The following DCDC2 variants were observed in gnomAD, a reference collection of about 807,000 sequenced individuals.
DCDC2 encodes doublecortin domain-containing protein 2.
A neutral mutation model predicts 50.2 loss-of-function variants in DCDC2; 40 were observed. The observed-to-expected ratio is 0.80, with a 90% CI of 0.62 to 1.04. DCDC2 has a LOEUF of 1.04. Ranked by LOEUF, DCDC2 falls within the 50% of genes least tolerant of loss-of-function variation. DCDC2 has a pLI of 0.00. For synonymous variants in DCDC2, 234 were observed against 210.6 expected, an observed-to-expected ratio of 1.11 and a Z score of -0.96; for missense variants, 570 against 581.9, an observed-to-expected ratio of 0.98 and a Z score of 0.21.
At chr6:24,345,541 C>T (rs971698187) in intron 2 of DCDC2, among the ~76,000 whole-genome samples, 2 of 152,136 alleles carry the variant, frequency 1.3e-5, no homozygotes, top group African/African-American at 4.8e-5. Context: ...TCCACGTTCT[C>T]CCTGAGAGAA....
chr6:24,226,719 G>A (rs149526919), intron 7 of DCDC2, among the ~76,000 whole-genome samples: 42 of 152,244 alleles, frequency 2.8e-4, no homozygotes, highest in African/African-American at 1.0e-3. Flanking sequence ...GTCAAGAGGT[G>A]GAAACTGATT....
At chr6:24,223,246 T>C (rs7767819) in intron 7 of DCDC2, among the ~76,000 whole-genome samples, 98,103 of 152,172 alleles carry the variant, frequency 0.64, 32,782 homozygotes, top group Non-Finnish European at 0.73. Context: ...TATGACACAT[T>C]GTTCTTAAGT....
intron 8 of DCDC2, among the ~76,000 whole-genome samples, chr6:24,189,355 A>G (rs1423544643): frequency 6.6e-6 from 1 of 152,208 alleles, no homozygotes; most frequent in East Asian, 1.9e-4. Context: ...AAGATGGAAT[A>G]TGAAAATTAT....
rs1271734279 is a variant in DCDC2, at chr6:24,352,615, C to G, written c.348+954G>C. On this transcript the variant is annotated intron_variant, in intron 2 of 9. Coordinates refer to ENST00000378454, the MANE Select transcript of DCDC2 (RefSeq NM_016356.5). Reference sequence around the variant, plus strand: ...AACCTCATATTCTTCAAATACTGTACAATTAGAATTTTTTTCTTACGCAAT... The same window carrying G: ...AACCTCATATTCTTCAAATACTGTAGAATTAGAATTTTTTTCTTACGCAAT... Among the ~76,000 whole-genome samples the G allele has an allele frequency of 3.3e-5, 5 of 151,982 alleles. No individual in the cohort carries two copies. In the South Asian group the frequency reaches 6.2e-4, roughly 19 times the overall value.
chr6:24,362,712 G>A (rs187780520), upstream of DCDC2, among the ~76,000 whole-genome samples: 55 of 152,124 alleles, frequency 3.6e-4, no homozygotes, highest in Non-Finnish European at 6.0e-4. Flanking sequence ...AAACGTTCAC[G>A]GGATCTCAAG....
chr6:24,246,235 T>C (rs1307182023), intron 7 of DCDC2, among the ~76,000 whole-genome samples: 2 of 152,174 alleles, frequency 1.3e-5, no homozygotes, highest in Non-Finnish European at 2.9e-5. Context: ...TTCTGCAAGC[T>C]GAATATTTTT....
intron 7 of DCDC2, among the ~76,000 whole-genome samples, chr6:24,259,064 C>T (rs1207104099): frequency 6.6e-6 from 1 of 152,138 alleles, no homozygotes; most frequent in East Asian, 1.9e-4. Context: ...CTCTCCTCTT[C>T]CCCCTTTCCA....
At chr6:24,197,193 A>C (rs1476195642) in intron 8 of DCDC2, among the ~76,000 whole-genome samples, 1 of 152,188 alleles carries the variant, frequency 6.6e-6, no homozygotes, top group African/African-American at 2.4e-5. Flanking sequence ...TAGCACTCAC[A>C]AGTTAAATAA....
intron 8 of DCDC2, among the ~76,000 whole-genome samples, chr6:24,183,060 C>T (rs1285640776): frequency 6.6e-6 from 1 of 152,222 alleles, no homozygotes; most frequent in South Asian, 2.1e-4. Flanking sequence ...AAGACAAATA[C>T]TGTATGATTC....
At chr6:24,358,496 A>G (rs1490998978), upstream of DCDC2, among the ~76,000 whole-genome samples, 2 of 127,960 alleles carry the variant, frequency 1.6e-5, no homozygotes, top group African/African-American at 3.1e-5. Context: ...GACCAGCCTG[A>G]CCCGGTCTCT....
In DCDC2 at chr6:24,278,064, T is replaced by TG; in HGVS notation, c.906_907insC (p.Thr303HisfsTer5). On this transcript the variant is annotated frameshift_variant, in exon 7 of 10. Coordinates refer to ENST00000378454, the MANE Select transcript of DCDC2 (RefSeq NM_016356.5). LOFTEE classifies it high-confidence loss of function. ...ACACACTTACCACTATTTGGAATGGTTTCTTGTGAATTCTTTAATTTTACA... is the reference window on the plus strand; with the variant it reads ...ACACACTTACCACTATTTGGAATGGTGTTCTTGTGAATTCTTTAATTTTACA... 6.2e-7 allele frequency: 1 copy of TG among 1,611,166 alleles called. No homozygotes were observed. The highest frequency in any genetic ancestry group is 8.5e-7 in the Non-Finnish European group (1 of 1,178,260).
chr6:24,358,815 A>AATAT (rs773876818), upstream of DCDC2, among the ~76,000 whole-genome samples: 12 of 51,016 alleles, frequency 2.4e-4, no homozygotes, highest in South Asian at 1.0e-3. Context: ...ATTATATATA[A>AATAT]ATATATATAT....
At chr6:24,195,846 AG>A (rs1761422360) in intron 8 of DCDC2, among the ~76,000 whole-genome samples, 1 of 152,254 alleles carries the variant, frequency 6.6e-6, no homozygotes, top group African/African-American at 2.4e-5. Context: ...AACAAAGGCC[AG>A]CAGTGCCTCT....
intron 6 of DCDC2, among the ~76,000 whole-genome samples, chr6:24,287,216 T>G (rs1763632297): frequency 6.6e-6 from 1 of 152,216 alleles, no homozygotes; most frequent in Non-Finnish European, 1.5e-5. Context: ...GACCATCTGT[T>G]CCAGTCAGCC....
rs75671004 is a variant in DCDC2, at chr6:24,237,313, G to A, written c.923-32211C>T. 3.1e-3 allele frequency among the ~76,000 whole-genome samples: 472 copies of A among 152,210 alleles called. 1 individual carries two copies. Among genetic ancestry groups the A allele is most frequent in the Non-Finnish European group, 5.3e-3 (361 of 68,002 alleles). ...GAAATAATCTGTACACCAAACCCCC[G>A]TGACACTTGGTTTACCTACATAACA... On this transcript the variant is annotated intron_variant, in intron 7 of 9. Transcript: ENST00000378454.
the DCDC2 span, among the ~76,000 whole-genome samples, chr6:24,378,530 A>G: frequency 3.3e-5 from 5 of 152,124 alleles, no homozygotes; most frequent in Non-Finnish European, 7.4e-5. Context: ...CAGAGCTCCC[A>G]TGTGGAATAA....
intron 2 of DCDC2, among the ~76,000 whole-genome samples, chr6:24,349,477 G>A (rs1269130876): frequency 2.6e-5 from 4 of 152,200 alleles, no homozygotes; most frequent in Non-Finnish European, 5.9e-5. Flanking sequence ...AGGGGCAAGA[G>A]TAAGTGCTGG....
intron 7 of DCDC2, among the ~76,000 whole-genome samples, chr6:24,224,057 C>T (rs1263675878): frequency 6.6e-6 from 1 of 151,538 alleles, no homozygotes; most frequent in East Asian, 1.9e-4. Flanking sequence ...TTCCCGCCAA[C>T]CCTCTCAAGA....
At chr6:24,246,698 G>A (rs1762684437) in intron 7 of DCDC2, among the ~76,000 whole-genome samples, 1 of 151,768 alleles carries the variant, frequency 6.6e-6, no homozygotes, top group Non-Finnish European at 1.5e-5. Flanking sequence ...TGTTGGCCAG[G>A]TTGGTCTTGA....
Sources: gnomAD v4.1 joint callset for allele counts (sites outside exome capture counted in the v4.1 genomes callset) on GRCh38, gnomAD v4.1.1 for gene constraint, MANE v1.5 for transcripts, NCBI Gene and HGNC (gene_info 2026-07-23, HGNC 2026-07-21) for gene names.